PARP2: variants seen among roughly 807,000 people sequenced by gnomAD.
PARP2 encodes the protein poly(ADP-ribose) polymerase 2.
In PARP2, 57 loss-of-function variants were observed where a neutral mutation model predicts 77.8. The observed-to-expected ratio is 0.73, with a 90% CI of 0.59 to 0.91. The LOEUF is 0.91. Among genes scored for constraint, PARP2 ranks in the 40% least tolerant of loss-of-function variants. The pLI, the probability that PARP2 is intolerant of heterozygous loss-of-function variation, is 0.00. For missense variants in PARP2, 651 were observed against 689.0 expected (o/e 0.94, Z 0.62); for synonymous variants, 226 against 242.6 (o/e 0.93, Z 0.64).
At chr14:20,344,884 A>G (rs772946783) in intron 1 of PARP2, 48 bp from the exon 2 acceptor site, 14 of 1,089,962 alleles carry the variant, frequency 1.3e-5, no homozygotes, top group Non-Finnish European at 1.8e-5. Context: ...TAAAATCTAC[A>G]CGTATTCGGG....
chr14:20,354,703 G>GAA (rs35609110), intron 8 of PARP2, 106 bp from the exon 9 acceptor site: 33 of 1,061,710 alleles, frequency 3.1e-5, no homozygotes, highest in Non-Finnish European at 3.3e-5. Flanking sequence ...TTAAAAACAG[G>GAA]AAAAAAAAAA....
At position 20,357,865 on chromosome 14, in the gene PARP2, A is replaced by G; in HGVS notation, c.*68A>G. On this transcript the variant is annotated 3_prime_UTR_variant, in exon 16 of 16. Coordinates refer to ENST00000429687, the MANE Select transcript of PARP2 (RefSeq NM_001042618.2). ...AAAATAAGCAGTGTTGTACTTGTGA[A>G]TTTTGTGATATTTTATGTAATAAAA... 1 of 1,412,934 alleles carries G rather than the reference A, an allele frequency of 7.1e-7. No homozygotes were observed. The highest frequency in any genetic ancestry group is 2.3e-5 in the East Asian group (1 of 43,580). The allele number at this position is 1,412,934 out of a possible 1,614,324, so 87.5% of individuals were successfully genotyped here.
chr14:20,355,357 G>C (rs535162605), intron 9 of PARP2: 1 of 182,060 alleles, frequency 5.5e-6, no homozygotes, highest in South Asian at 1.5e-4. Context: ...GTTTACATCC[G>C]ATTTCTATTT....
chr14:20,348,689 A>G (rs1431213949), intron 4 of PARP2, among the ~76,000 whole-genome samples: 3 of 152,294 alleles, frequency 2.0e-5, no homozygotes, highest in African/African-American at 7.2e-5. Flanking sequence ...ATTTCTTACT[A>G]TTTCTTCTAC....
chr14:20,357,162 T>TTTCAC lies in PARP2; in HGVS notation c.1428+13_1428+14insTTCAC, dbSNP rs10625811. On this transcript the variant is annotated intron_variant, in intron 14 of 15. Coordinates refer to ENST00000429687, the MANE Select transcript of PARP2 (RefSeq NM_001042618.2). ...GCTCTTATCAGAGGTGAGACAGGAGTATGTCTGTGATCTCTAGTTTATTAA... is the reference window on the plus strand; with the variant it reads ...GCTCTTATCAGAGGTGAGACAGGAGTTTCACATGTCTGTGATCTCTAGTTTATTAA... 424,084 of 1,550,898 alleles carry TTTCAC rather than the reference T, an allele frequency of 0.27. 59,803 individuals carry two copies. Among genetic ancestry groups the TTTCAC allele is most frequent in the South Asian group, 0.37 (32,866 of 89,892 alleles).
chr14:20,350,748 A>G, intron 5 of PARP2, 126 bp downstream of exon 5: 1 of 654,864 alleles, frequency 1.5e-6, no homozygotes, highest in East Asian at 2.7e-5. Context: ...GGAGAGCCTT[A>G]GGAATCAAGT....
chr14:20,355,878 C>G lies in PARP2; in HGVS notation c.967-19C>G, dbSNP rs1011564272. ...ATACCAGTGTCCTCCCACATTGATTCTATATCTCATCTTCTCAGGCTTTGG... is the reference window on the plus strand; with the variant it reads ...ATACCAGTGTCCTCCCACATTGATTGTATATCTCATCTTCTCAGGCTTTGG... On this transcript the variant is annotated intron_variant, in intron 10 of 15. Coordinates refer to ENST00000429687, the MANE Select transcript of PARP2 (RefSeq NM_001042618.2). The G allele has an allele frequency of 5.6e-6, 9 of 1,613,958 alleles. No homozygotes were observed. The Admixed American group carries it at 1.5e-4, about 27-fold the overall frequency.
intron 12 of PARP2, 72 bp downstream of exon 12, chr14:20,356,506 A>C: frequency 6.2e-7 from 1 of 1,605,844 alleles, no homozygotes; most frequent in Non-Finnish European, 8.5e-7. Flanking sequence ...TATAAGAGGG[A>C]GTCAGAGGAA....
At position 20,357,071 on chromosome 14, in the gene PARP2, T is replaced by C; in HGVS notation, c.1350T>C (p.Phe450=). ...TGYMFGKGIY[F]ADMSSKSANY... The stretch of plus-strand genomic sequence containing the variant: ...TTCAGTTTGGGAAAGGAATCTACTT[T>C]GCTGACATGTCTTCCAAGAGTGCCA... The change falls in exon 14 of 16, where the codon TTT becomes TTC. Residue 450 remains phenylalanine, a synonymous_variant. Transcript: ENST00000429687. The C allele has an allele frequency of 6.2e-7, 1 of 1,611,184 alleles. No individual in the cohort carries two copies. The highest frequency in any genetic ancestry group is 8.5e-7 in the Non-Finnish European group (1 of 1,177,262).
chr14:20,356,784 C>A, intron 13 of PARP2, 95 bp downstream of exon 13: 1 of 988,448 alleles, frequency 1.0e-6, no homozygotes, highest in Non-Finnish European at 1.6e-6. Context: ...GATGGTTCCC[C>A]TCCCCAAGAG....
At chr14:20,344,202 T>C (rs1316214486) in intron 1 of PARP2, 1 of 153,604 alleles carries the variant, frequency 6.5e-6, no homozygotes, top group Admixed American at 6.5e-5. Context: ...TTGGAGTAAG[T>C]GAAGTAGGAA....
In PARP2 at chr14:20,356,202, T is replaced by C. The variant is rs1884142735; in HGVS notation, c.1102-105T>C. 2.1e-6 allele frequency: 3 copies of C among 1,451,768 alleles called. No individual in the cohort carries two copies. In the South Asian group the frequency reaches 3.9e-5, roughly 19 times the overall value. The allele number at this position is 1,451,768 out of a possible 1,614,324, so 89.9% of individuals were successfully genotyped here. On this transcript the variant is annotated intron_variant, in intron 11 of 15. Transcript: ENST00000429687. ...TTCCTAGCTGCCTTGTAAGACTGTT[T>C]GGGAGCAGAAAGGTCTGCCAAGTTA...
At position 20,353,341 on chromosome 14, in the gene PARP2, C is replaced by T. The variant is rs547528543; in HGVS notation, c.601-744C>T. 3.2e-3 allele frequency among the ~76,000 whole-genome samples: 487 copies of T among 150,856 alleles called. 2 individuals are homozygous for T. Among genetic ancestry groups the T allele is most frequent in the African/African-American group, 0.012 (473 of 41,102 alleles). The stretch of plus-strand genomic sequence containing the variant: ...ACTGCACGCTCCGCCTCTGGGTTCA[C>T]GCCATTCTCCTGCCTCAGCCTCCGG... On this transcript the variant is annotated intron_variant, in intron 7 of 15. Coordinates refer to ENST00000429687, the MANE Select transcript of PARP2 (RefSeq NM_001042618.2).
chr14:20,345,250 C>T lies in PARP2; in HGVS notation c.203-144C>T. 3.9e-6 allele frequency: 4 copies of T among 1,023,948 alleles called. No homozygotes were observed. The East Asian group carries it at 9.7e-5, about 25-fold the overall frequency. 63.4% of individuals were successfully genotyped at this position (1,023,948 alleles called of 1,614,324 possible). A position where few individuals can be genotyped will look rare whatever the true frequency, so the allele number is the denominator to read the frequency against. ...GCACTAATCTACTGCCTTGAATCTT[C>T]ATTTTCATGTATTTGAGATGGATTG... On this transcript the variant is annotated intron_variant, in intron 2 of 15. Coordinates refer to ENST00000429687, the MANE Select transcript of PARP2 (RefSeq NM_001042618.2).
At chr14:20,351,022 C>T in intron 5 of PARP2, 25 bp from the exon 6 acceptor site, 1 of 1,595,348 alleles carries the variant, frequency 6.3e-7, no homozygotes, top group Non-Finnish European at 8.6e-7. Flanking sequence ...AGGGAACTAT[C>T]TTATGTGTGG....
Position 20,354,964 on chromosome 14 carries a change from T to C in PARP2, c.902+17T>C. Reference sequence around the variant, plus strand: ...TGACTTTGGGTAAGGCCTGTGCTGTTACTTCACTTTGTTCTTCTACCTATA... The same window carrying C: ...TGACTTTGGGTAAGGCCTGTGCTGTCACTTCACTTTGTTCTTCTACCTATA... On this transcript the variant is annotated intron_variant, in intron 9 of 15. Transcript: ENST00000429687. 6.2e-7 allele frequency: 1 copy of C among 1,604,168 alleles called. No individual in the cohort carries two copies. The highest frequency in any genetic ancestry group is 8.5e-7 in the Non-Finnish European group (1 of 1,175,770).
intron 1 of PARP2, 37 bp from the exon 2 acceptor site, chr14:20,344,895 T>C (rs1566415952): frequency 4.1e-6 from 5 of 1,212,506 alleles, no homozygotes; most frequent in Non-Finnish European, 6.1e-6. Context: ...CGTATTCGGG[T>C]GTGTACTCAT....
At position 20,344,934 on chromosome 14, in the gene PARP2, T is replaced by G; in HGVS notation, c.49T>G (p.Leu17Val). Residue 17 changes from leucine (L) to valine (V), a missense_variant and splice_region_variant, in exon 2 of 16, where the codon TTA becomes GTA. Transcript: ENST00000429687. ...TTGCTAATTTCCAAATTCTGTAGCATTAAATGAAAGCAAAAGAGTTAATAA... is the reference window on the plus strand; with the variant it reads ...TTGCTAATTTCCAAATTCTGTAGCAGTAAATGAAAGCAAAAGAGTTAATAA... The part of the protein sequence containing the change: ...RSTGGGRARA[L>V]NESKRVNNGN... 1 of 1,611,688 alleles carries G rather than the reference T, an allele frequency of 6.2e-7. No homozygotes were observed. Among genetic ancestry groups the G allele is most frequent in the East Asian group, 2.2e-5 (1 of 44,872 alleles).
intron 12 of PARP2, 33 bp from the exon 13 acceptor site, chr14:20,356,557 C>T: frequency 6.3e-7 from 1 of 1,597,792 alleles, no homozygotes. Flanking sequence ...CTGTGCAGAA[C>T]AACAGAGTAC....
Sources: allele counts gnomAD v4.1 joint callset (sites outside exome capture counted in the v4.1 genomes callset), GRCh38; gene constraint gnomAD v4.1.1; transcripts MANE v1.5; gene names NCBI Gene and HGNC (gene_info 2026-07-23, HGNC 2026-07-21).